The following SEL1L2 variants were observed in gnomAD, a reference collection of about 807,000 sequenced individuals.
SEL1L2 encodes the protein SEL1L2 adaptor subunit of SYVN1 ubiquitin ligase, also known as protein sel-1 homolog 2.
SEL1L2 carries 89 observed loss-of-function variants against 98.8 expected under a neutral mutation model. The observed-to-expected ratio is 0.90, with a 90% CI of 0.76 to 1.07. The LOEUF is 1.07. SEL1L2 is among the 50% of genes least tolerant of loss of function. The probability of loss-of-function intolerance (pLI) is 0.00; values close to 1 mark genes in which losing one functional copy is unlikely to be tolerated. For missense variants in SEL1L2, 788 were observed against 812.0 expected, an observed-to-expected ratio of 0.97 and a Z score of 0.36; for synonymous variants, 262 against 278.5, an observed-to-expected ratio of 0.94 and a Z score of 0.59.
chr20:13,880,438 C>T lies in SEL1L2; in HGVS notation c.958-2850G>A, dbSNP rs566391648. ...CATGGCTTACTTAGTATTTCATTCCCTTTTTTTTTCTCATTTTTAAATTTA... is the reference window on the plus strand; with the variant it reads ...CATGGCTTACTTAGTATTTCATTCCTTTTTTTTTTCTCATTTTTAAATTTA... On this transcript the variant is annotated intron_variant, in intron 10 of 19. Transcript: ENST00000284951. 9.2e-4 allele frequency among the ~76,000 whole-genome samples: 139 copies of T among 151,486 alleles called. 1 individual carries two copies. Among genetic ancestry groups the T allele is most frequent in the African/African-American group, 3.3e-3 (136 of 41,346 alleles).
chr20:13,941,092 T>G (rs2049755352), intron 2 of SEL1L2, among the ~76,000 whole-genome samples: 1 of 152,170 alleles, frequency 6.6e-6, no homozygotes, highest in Admixed American at 6.5e-5. Context: ...TTGAATATAA[T>G]TATTGTTTTG....
At chr20:13,946,959 G>C (rs1343205460) in intron 2 of SEL1L2, among the ~76,000 whole-genome samples, 1 of 152,224 alleles carries the variant, frequency 6.6e-6, no homozygotes, top group Non-Finnish European at 1.5e-5. Flanking sequence ...AGGGGGTACT[G>C]AGGATGGCTC....
intron 12 of SEL1L2, among the ~76,000 whole-genome samples, chr20:13,874,058 A>G (rs1263753168): frequency 6.6e-6 from 1 of 152,142 alleles, no homozygotes; most frequent in Non-Finnish European, 1.5e-5. Context: ...GGGGATGAGT[A>G]GGACTTAGAA....
intron 4 of SEL1L2, among the ~76,000 whole-genome samples, chr20:13,918,262 G>T (rs1012271239): frequency 6.6e-6 from 1 of 152,170 alleles, no homozygotes; most frequent in African/African-American, 2.4e-5. Flanking sequence ...TCACAGAGAG[G>T]TTGAGTAACT....
intron 5 of SEL1L2, among the ~76,000 whole-genome samples, chr20:13,888,980 C>T (rs1484042398): frequency 1.6e-4 from 23 of 140,682 alleles, no homozygotes; most frequent in East Asian, 6.3e-4. Flanking sequence ...TTTTTTGAGA[C>T]GAAATTTCAG....
At chr20:13,868,130 G>A (rs150425849) in intron 14 of SEL1L2, among the ~76,000 whole-genome samples, 8 of 151,996 alleles carry the variant, frequency 5.3e-5, no homozygotes, top group Non-Finnish European at 7.4e-5. Flanking sequence ...GCTCACAGAA[G>A]TCAACTTTGT....
intron 1 of SEL1L2, among the ~76,000 whole-genome samples, chr20:13,982,967 TG>T (rs2051917382): frequency 1.6e-5 from 2 of 127,218 alleles, no homozygotes; most frequent in African/African-American, 6.0e-5. Flanking sequence ...GAGGTTGCAG[TG>T]AGCTGAGTTC....
chr20:13,930,450 TATATC>T (rs1382237471), intron 3 of SEL1L2, among the ~76,000 whole-genome samples: 3 of 152,226 alleles, frequency 2.0e-5, no homozygotes, highest in African/African-American at 7.2e-5. Flanking sequence ...GTGGTTTCCC[TATATC>T]CTGTCTACGC....
chr20:13,950,751 G>A (rs1600883994), intron 2 of SEL1L2, among the ~76,000 whole-genome samples: 1 of 152,154 alleles, frequency 6.6e-6, no homozygotes, highest in Non-Finnish European at 1.5e-5. Flanking sequence ...AAGACCACGA[G>A]CTACGTTTCT....
intron 3 of SEL1L2, among the ~76,000 whole-genome samples, chr20:13,925,121 A>G (rs2048829796): frequency 6.6e-6 from 1 of 152,184 alleles, no homozygotes; most frequent in Non-Finnish European, 1.5e-5. Context: ...CGTGGGCAAC[A>G]GAGTGAAACT....
chr20:13,878,178 A>C (rs1303414615), intron 10 of SEL1L2, among the ~76,000 whole-genome samples: 2 of 152,306 alleles, frequency 1.3e-5, no homozygotes, highest in East Asian at 3.9e-4. Flanking sequence ...TCTAGAACAC[A>C]TAAGGGCTGA....
chr20:13,895,937 C>A (rs2047403767), intron 5 of SEL1L2, among the ~76,000 whole-genome samples: 1 of 152,138 alleles, frequency 6.6e-6, no homozygotes, highest in Admixed American at 6.5e-5. Context: ...TTTTGGTAGG[C>A]TGAGGCGGGT....
intron 17 of SEL1L2, among the ~76,000 whole-genome samples, chr20:13,864,603 G>C (rs985803552): frequency 5.3e-5 from 8 of 152,178 alleles, no homozygotes; most frequent in African/African-American, 1.9e-4. Context: ...CAGCAAGCGA[G>C]ACATGGAAAC....
chr20:13,855,443 G>A (rs1989001924), intron 18 of SEL1L2, among the ~76,000 whole-genome samples: 1 of 152,092 alleles, frequency 6.6e-6, no homozygotes. Flanking sequence ...GGGGTGGGTA[G>A]GACGGAGGAG....
At chr20:13,993,992 AT>A (rs966674842), upstream of SEL1L2, among the ~76,000 whole-genome samples, 27 of 151,502 alleles carry the variant, frequency 1.8e-4, 1 homozygote, top group Non-Finnish European at 3.8e-4. Flanking sequence ...TCCCAAATCT[AT>A]TTTTTTTCGT....
intron 1 of SEL1L2, among the ~76,000 whole-genome samples, chr20:13,975,016 T>C (rs1291873968): frequency 6.6e-6 from 1 of 152,190 alleles, no homozygotes; most frequent in African/African-American, 2.4e-5. Context: ...CAGAATATTC[T>C]CTTCAATCCC....
intron 11 of SEL1L2, 27 bp from the exon 12 acceptor site, chr20:13,876,142 G>GA (rs2046418196): frequency 4.0e-6 from 6 of 1,512,508 alleles, no homozygotes; most frequent in Non-Finnish European, 5.5e-6. Context: ...AAAGAGGATA[G>GA]AAAAAACAAA....
In SEL1L2 at chr20:13,955,955, T is replaced by C; in HGVS notation, c.114+121A>G. The C allele has an allele frequency of 4.7e-6, 3 of 636,454 alleles. No homozygotes were observed. In the South Asian group the frequency reaches 5.3e-5, roughly 11 times the overall value. The allele number at this position is 636,454 out of a possible 1,614,324, so 39.4% of individuals were successfully genotyped here. A position where few individuals can be genotyped will look rare whatever the true frequency, so the allele number is the denominator to read the frequency against. On this transcript the variant is annotated intron_variant, in intron 2 of 19. Transcript: ENST00000284951. ...GTTTGTTGAATGAATGAAAGAATAA[T>C]ATTGATTGAGAATTAAAAAAAAAAG...
chr20:13,897,143 G>A (rs1367907801), intron 5 of SEL1L2, among the ~76,000 whole-genome samples: 1 of 152,132 alleles, frequency 6.6e-6, no homozygotes, highest in East Asian at 1.9e-4. Flanking sequence ...AGGATGACAA[G>A]GCTGCACAAT....
Sources: gnomAD v4.1 joint callset for allele counts (sites outside exome capture counted in the v4.1 genomes callset) on GRCh38, gnomAD v4.1.1 for gene constraint, MANE v1.5 for transcripts, NCBI Gene and HGNC (gene_info 2026-07-23, HGNC 2026-07-21) for gene names.